CFHR3: variants seen among roughly 807,000 people sequenced by gnomAD.
The protein encoded by CFHR3 is complement factor H related 3.
CFHR3 carries 22 observed loss-of-function variants against 36.0 expected under a neutral mutation model. The ratio of observed to expected loss-of-function variants is 0.61; its 90% CI spans 0.44 to 0.87. CFHR3 has a LOEUF of 0.87. Ranked by LOEUF, CFHR3 falls within the 40% of genes least tolerant of loss-of-function variation. The pLI is 0.00. For synonymous variants in CFHR3, 97 were observed against 137.4 expected, an observed-to-expected ratio of 0.71 and a Z score of 2.06; for missense variants, 276 against 401.3, an observed-to-expected ratio of 0.69 and a Z score of 2.67.
In CFHR3 at chr1:196,789,392, T is replaced by C; in HGVS notation, c.614-653T>C. The C allele has an allele frequency of 3.4e-6, 3 of 895,070 alleles. 1 individual carries two copies. The highest frequency in any genetic ancestry group is 4.0e-6 in the Non-Finnish European group (3 of 753,722). The allele number at this position is 895,070 out of a possible 1,614,324, so 55.4% of individuals were successfully genotyped here. On this transcript the variant is annotated intron_variant, in intron 4 of 5. Coordinates refer to ENST00000367425, the MANE Select transcript of CFHR3 (RefSeq NM_021023.6). ...TTCCTACATTTCTAGAATACTGTTTTCAATTTCTATACTTATCAAGGGCTC... is the reference window on the plus strand; with the variant it reads ...TTCCTACATTTCTAGAATACTGTTTCCAATTTCTATACTTATCAAGGGCTC...
intron 5 of CFHR3, among the ~76,000 whole-genome samples, chr1:196,791,162 A>G (rs1238360755): frequency 7.3e-6 from 1 of 136,242 alleles, no homozygotes; most frequent in Non-Finnish European, 1.6e-5. Context: ...AGCCATTTCC[A>G]TAACCCATTG....
intron 3 of CFHR3, among the ~76,000 whole-genome samples, chr1:196,784,130 T>C (rs1366192187): frequency 7.3e-6 from 1 of 136,934 alleles, no homozygotes; most frequent in Non-Finnish European, 1.5e-5. Flanking sequence ...AGTTTCTTAA[T>C]CCTGAGTTCT....
Position 196,789,316 on chromosome 1 carries a change from C to T in CFHR3, c.614-729C>T. The T allele has an allele frequency of 1.9e-5, 17 of 873,336 alleles. 3 individuals carry two copies. Among genetic ancestry groups the T allele is most frequent in the Non-Finnish European group, 2.2e-5 (16 of 737,188 alleles). The allele number at this position is 873,336 out of a possible 1,614,324, so 54.1% of individuals were successfully genotyped here. On this transcript the variant is annotated intron_variant, in intron 4 of 5. Transcript: ENST00000367425. ...TAAGCTAAGAGAGAAAAAAGATACA[C>T]TTACAAAGTGATTATCTCAATGTTA... is the stretch of plus-strand genomic sequence containing the variant.
At position 196,777,595 on chromosome 1, in the gene CFHR3, T is replaced by G. The variant is rs1283425555; in HGVS notation, c.59-1567T>G. Among the ~76,000 whole-genome samples the G allele has an allele frequency of 1.5e-5, 2 of 137,042 alleles. 1 individual carries two copies. Among genetic ancestry groups the G allele is most frequent in the Non-Finnish European group, 3.1e-5 (2 of 64,640 alleles). 89.9% of individuals were successfully genotyped at this position (137,042 alleles called of 152,430 possible). On this transcript the variant is annotated intron_variant, in intron 1 of 5. Coordinates refer to ENST00000367425, the MANE Select transcript of CFHR3 (RefSeq NM_021023.6). ...ACAGACCAAGTTCCAATAATTTCCC[T>G]ATGAAATTCCAGTGCCTTTTAGTGG...
At position 196,775,893 on chromosome 1, in the gene CFHR3, C is replaced by T. The variant is rs577258513; in HGVS notation, c.58+949C>T. On this transcript the variant is annotated intron_variant, in intron 1 of 5. Transcript: ENST00000367425. Reference sequence around the variant, plus strand: ...TATCTTTTCCCTCAACCACTCTTCGCGAAGCTATGCCACTTTATTTGATTC... The same window carrying T: ...TATCTTTTCCCTCAACCACTCTTCGTGAAGCTATGCCACTTTATTTGATTC... Among the ~76,000 whole-genome samples the T allele has an allele frequency of 1.0e-4, 14 of 136,732 alleles. 2 individuals carry two copies. The highest frequency in any genetic ancestry group is 4.9e-4 in the Admixed American group (7 of 14,184). 89.7% of individuals were successfully genotyped at this position (136,732 alleles called of 152,430 possible).
At chr1:196,786,903 C>A (rs1162642757) in intron 3 of CFHR3, among the ~76,000 whole-genome samples, 1 of 137,576 alleles carries the variant, frequency 7.3e-6, no homozygotes, top group Non-Finnish European at 1.5e-5. Flanking sequence ...GCGTCGCTCA[C>A]GCTGGGAGCT....
chr1:196,783,301 G>A (rs1406659845), intron 3 of CFHR3, among the ~76,000 whole-genome samples: 1 of 135,706 alleles, frequency 7.4e-6, no homozygotes, highest in Non-Finnish European at 1.6e-5. Flanking sequence ...TTGGTATCAG[G>A]ATGATGCTGG....
chr1:196,789,001 T>C lies in CFHR3; in HGVS notation c.613+603T>C, dbSNP rs1180635986. On this transcript the variant is annotated intron_variant, in intron 4 of 5. Transcript: ENST00000367425. ...CATACTTGCCAATGGATTCTTTACA[T>C]GTAAAGTTCTCTGAACGTGCTCGAC... 14 of 1,296,878 alleles carry C rather than the reference T, an allele frequency of 1.1e-5. 1 individual carries two copies. Among genetic ancestry groups the C allele is most frequent in the Admixed American group, 9.7e-5 (3 of 30,870 alleles). 80.3% of individuals were successfully genotyped at this position (1,296,878 alleles called of 1,614,324 possible).
chr1:196,784,661 T>C (rs1654114035), intron 3 of CFHR3, among the ~76,000 whole-genome samples: 1 of 135,950 alleles, frequency 7.4e-6, no homozygotes. Context: ...GCTTGGTAGA[T>C]CTTCCTCCAT....
In CFHR3 at chr1:196,778,024, T is replaced by C. The variant is rs1341411159; in HGVS notation, c.59-1138T>C. Among the ~76,000 whole-genome samples the C allele has an allele frequency of 8.8e-5, 11 of 125,258 alleles. 1 individual carries two copies. Among genetic ancestry groups the C allele is most frequent in the South Asian group, 2.9e-4 (1 of 3,424 alleles). The allele number at this position is 125,258 out of a possible 152,430, so 82.2% of individuals were successfully genotyped here. A position where few individuals can be genotyped will look rare whatever the true frequency, so the allele number is the denominator to read the frequency against. ...AAAAGAAAAGAAAGAAAAATTAAAA[T>C]GATTTCCTTTAATATATGTCCCTTT... On this transcript the variant is annotated intron_variant, in intron 1 of 5. Coordinates refer to ENST00000367425, the MANE Select transcript of CFHR3 (RefSeq NM_021023.6).
rs1479098287 is a variant in CFHR3 at position 196,778,021 on chromosome 1, A to C, written c.59-1141A>C. Among the ~76,000 whole-genome samples, 2 of 134,142 alleles carry C rather than the reference A, an allele frequency of 1.5e-5. 1 individual carries two copies. Among genetic ancestry groups the C allele is most frequent in the Non-Finnish European group, 3.1e-5 (2 of 63,784 alleles). 88.0% of individuals were successfully genotyped at this position (134,142 alleles called of 152,430 possible). A position where few individuals can be genotyped will look rare whatever the true frequency, so the allele number is the denominator to read the frequency against. ...AAAAAAAGAAAAGAAAGAAAAATTA[A>C]AATGATTTCCTTTAATATATGTCCC... On this transcript the variant is annotated intron_variant, in intron 1 of 5. Coordinates refer to ENST00000367425, the MANE Select transcript of CFHR3 (RefSeq NM_021023.6).
In CFHR3 at chr1:196,779,096, T is replaced by G; in HGVS notation, c.59-66T>G. On this transcript the variant is annotated intron_variant, in intron 1 of 5. Transcript: ENST00000367425. ...GTTTGAGAGAAGGTGATATCAAAAT[T>G]TATCTCTAATATGATTTATTACAGT... 2.4e-6 allele frequency: 3 copies of G among 1,230,518 alleles called. 1 individual carries two copies. The South Asian group carries it at 4.5e-5, about 18-fold the overall frequency. 76.2% of individuals were successfully genotyped at this position (1,230,518 alleles called of 1,614,324 possible).
Position 196,779,897 on chromosome 1 carries a change from C to A in CFHR3, c.354C>A (p.Tyr118Ter), listed in dbSNP as rs144398879. Residue 118 changes from tyrosine to a stop codon, truncating the protein, a stop_gained, in exon 3 of 6, where the codon TAC (tyrosine) becomes TAA (stop). Coordinates refer to ENST00000367425, the MANE Select transcript of CFHR3 (RefSeq NM_021023.6). LOFTEE classifies it high-confidence loss of function. The part of the protein sequence containing the change: ...NSTEVACHPG[Y>*]GLPKAQTTVT... ...CAGAAGTTGCCTGCCATCCTGGCTA[C>A]GGTCTTCCAAAAGCGCAGACCACAG... 1.1e-4 allele frequency: 176 copies of A among 1,533,172 alleles called. 52 individuals carry two copies. The African/African-American group carries it at 2.6e-3, about 23-fold the overall frequency. 95.0% of individuals were successfully genotyped at this position (1,533,172 alleles called of 1,614,324 possible). A position where few individuals can be genotyped will look rare whatever the true frequency, so the allele number is the denominator to read the frequency against.
intron 4 of CFHR3, chr1:196,789,230 T>C (rs182127340): frequency 0.01 from 8,896 of 847,526 alleles, 1,008 homozygotes; most frequent in Non-Finnish European, 0.012. Context: ...CAACTATTTT[T>C]AGTCATGAGA....
chr1:196,790,738 TAATA>T (rs199831934), intron 5 of CFHR3, among the ~76,000 whole-genome samples: 41,993 of 106,008 alleles, frequency 0.4, 11,333 homozygotes, highest in South Asian at 0.52. Context: ...AATAAAAAAA[TAATA>T]AATAAATAAA....
chr1:196,779,975 T>G lies in CFHR3; in HGVS notation c.430+2T>G. ...CTACTCCCAGATGCATCCGTGTCAGTAAGTACACCGCTCTGAGATCCCAGC... is the reference window on the plus strand; with the variant it reads ...CTACTCCCAGATGCATCCGTGTCAGGAAGTACACCGCTCTGAGATCCCAGC... On this transcript the variant is annotated splice_donor_variant, in intron 3 of 5. Coordinates refer to ENST00000367425, the MANE Select transcript of CFHR3 (RefSeq NM_021023.6). LOFTEE classifies it high-confidence loss of function. 1 of 1,532,930 alleles carries G rather than the reference T, an allele frequency of 6.5e-7. No individual in the cohort carries two copies. The highest frequency in any genetic ancestry group is 8.8e-7 in the Non-Finnish European group (1 of 1,132,970). 95.0% of individuals were successfully genotyped at this position (1,532,930 alleles called of 1,614,324 possible). A position where few individuals can be genotyped will look rare whatever the true frequency, so the allele number is the denominator to read the frequency against.
chr1:196,794,427 C>T lies in CFHR3; in HGVS notation c.*914C>T. 3.0e-6 allele frequency: 1 copy of T among 332,922 alleles called. No individual in the cohort carries two copies. Among genetic ancestry groups the T allele is most frequent in the South Asian group, 2.7e-5 (1 of 37,236 alleles). 20.6% of individuals were successfully genotyped at this position (332,922 alleles called of 1,614,324 possible). On this transcript the variant is annotated 3_prime_UTR_variant, in exon 6 of 6. Transcript: ENST00000367425. ...GAACTGAGCCAAGATAGTGCCACTG[C>T]ACTCCAGCCTGGGCAATAGAGTGAG...
rs1187182508 is a variant in CFHR3, at chr1:196,781,358, A to G, written c.430+1385A>G. 1.5e-5 allele frequency among the ~76,000 whole-genome samples: 2 copies of G among 135,288 alleles called. 1 individual carries two copies. The highest frequency in any genetic ancestry group is 3.1e-5 in the Non-Finnish European group (2 of 64,200). 88.8% of individuals were successfully genotyped at this position (135,288 alleles called of 152,430 possible). On this transcript the variant is annotated intron_variant, in intron 3 of 5. Transcript: ENST00000367425. The stretch of plus-strand genomic sequence containing the variant: ...GGTCAAATGGTATTTCTAGTTCTAG[A>G]TCCCTGAGGAATCACCACACTGTCT...
At position 196,790,194 on chromosome 1, in the gene CFHR3, A is replaced by T; in HGVS notation, c.763A>T (p.Asn255Tyr). The change falls in exon 5 of 6, where the codon AAT becomes TAT. Residue 255 changes from asparagine to tyrosine, a missense_variant. Physicochemically the swap from Asn to Tyr is moderately radical, Grantham distance 143. This residue lies in a region of CFHR3 where 22 missense variants were observed against 74.3 expected (regional missense o/e 0.30). Coordinates refer to ENST00000367425, the MANE Select transcript of CFHR3 (RefSeq NM_021023.6). ...GGGTTCTAATTATGTAACATGTAGT[A>T]ATGGAGAGTGGTCGGAACCACCAAG... ...LQGSNYVTCS[N>Y]GEWSEPPRCI... 3 of 1,364,954 alleles carry T rather than the reference A, an allele frequency of 2.2e-6. 1 individual carries two copies. Among genetic ancestry groups the T allele is most frequent in the Non-Finnish European group, 2.9e-6 (3 of 1,026,422 alleles). The allele number at this position is 1,364,954 out of a possible 1,614,324, so 84.6% of individuals were successfully genotyped here. A position where few individuals can be genotyped will look rare whatever the true frequency, so the allele number is the denominator to read the frequency against.
Sources: gnomAD v4.1 joint callset for allele counts (sites outside exome capture counted in the v4.1 genomes callset) on GRCh38, gnomAD v4.1.1 for gene constraint, gnomAD v4.1.1 regional missense constraint, MANE v1.5 for transcripts, NCBI Gene and HGNC (gene_info 2026-07-23, HGNC 2026-07-21) for gene names.